Variants in WDPCP observed in about 807,000 individuals in gnomAD.
WDPCP encodes WD repeat-containing and planar cell polarity effector protein fritz homolog.
WDPCP carries 71 observed loss-of-function variants against 93.1 expected under a neutral mutation model. That is an observed-to-expected ratio of 0.76 (90% confidence interval 0.63 to 0.93). The LOEUF is 0.93. Among genes scored for constraint, WDPCP ranks in the 40% least tolerant of loss-of-function variants. The pLI is 0.00. For synonymous variants in WDPCP, 315 were observed against 315.0 expected, an observed-to-expected ratio of 1.00 and a Z score of 0.00; for missense variants, 844 against 887.4, an observed-to-expected ratio of 0.95 and a Z score of 0.62.
chr2:63,811,415 C>T (rs1171662453), intron 2 of WDPCP, among the ~76,000 whole-genome samples: 2 of 152,134 alleles, frequency 1.3e-5, no homozygotes, highest in Non-Finnish European at 2.9e-5. Flanking sequence ...TGTAAGTAGC[C>T]TCTAGGAACT....
chr2:63,313,886 A>ATATATATT lies in WDPCP; in HGVS notation c.1749-576_1749-575insAATATATA. Among the ~76,000 whole-genome samples, 48 of 74,460 alleles carry ATATATATT rather than the reference A, an allele frequency of 6.4e-4. 2 individuals carry two copies. The highest frequency in any genetic ancestry group is 1.5e-3 in the African/African-American group (30 of 19,426). 48.8% of individuals were successfully genotyped at this position (74,460 alleles called of 152,430 possible). A position where few individuals can be genotyped will look rare whatever the true frequency, so the allele number is the denominator to read the frequency against. On this transcript the variant is annotated intron_variant, in intron 12 of 17. Coordinates refer to ENST00000272321, the MANE Select transcript of WDPCP (RefSeq NM_015910.7). ...TATATATATATATATATATATATAT[A>ATATATATT]TTTTTTTTTTTTTGGAGATGGAGTC...
chr2:63,217,115 C>A (rs1217591648), intron 14 of WDPCP, among the ~76,000 whole-genome samples: 1 of 152,186 alleles, frequency 6.6e-6, no homozygotes, highest in Non-Finnish European at 1.5e-5. Context: ...CAGACAAAAT[C>A]CAGGCTGATG....
rs560405409 is a variant in WDPCP at position 63,729,086 on chromosome 2, TATCA to T, written n.309-78252_309-78249del. Among the ~76,000 whole-genome samples, 36 of 152,256 alleles carry T rather than the reference TATCA, an allele frequency of 2.4e-4. No individual in the cohort carries two copies. In the South Asian group the frequency reaches 4.6e-3, roughly 19 times the overall value. ...TCTTCAATATGAAGGTCCAAGTAAA[TATCA>T]ATCAATCACAGTGCCATATGTCACT... On this transcript the variant is annotated intron_variant and non_coding_transcript_variant, in intron 2 of 4. Transcript: ENST00000467687.
At chr2:63,701,926 T>C (rs1265865489) in intron 2 of WDPCP, among the ~76,000 whole-genome samples, 1 of 152,186 alleles carries the variant, frequency 6.6e-6, no homozygotes, top group African/African-American at 2.4e-5. Context: ...TAAAACCTAG[T>C]GTTTCATAGA....
chr2:63,206,557 A>G (rs1467192926), intron 14 of WDPCP, among the ~76,000 whole-genome samples: 1 of 151,834 alleles, frequency 6.6e-6, no homozygotes, highest in Non-Finnish European at 1.5e-5. Context: ...GACTCATGCA[A>G]TTTTCCCACA....
At chr2:63,298,834 G>A (rs976669704) in intron 13 of WDPCP, among the ~76,000 whole-genome samples, 2 of 152,192 alleles carry the variant, frequency 1.3e-5, no homozygotes, top group African/African-American at 2.4e-5. Context: ...AGGTGTTGCT[G>A]TGCACAGGTA....
At chr2:63,125,045 G>C (rs961138588) in intron 17 of WDPCP, among the ~76,000 whole-genome samples, 4 of 152,166 alleles carry the variant, frequency 2.6e-5, no homozygotes, top group African/African-American at 9.7e-5. Context: ...AAGTTGACCA[G>C]CTATTCAAGT....
chr2:63,510,390 G>A (rs1029505820), intron 1 of WDPCP, among the ~76,000 whole-genome samples: 6 of 152,064 alleles, frequency 3.9e-5, no homozygotes, highest in Non-Finnish European at 7.4e-5. Flanking sequence ...ACTCCTCCAC[G>A]CTAAGAACAC....
At chr2:63,381,779 A>G in intron 11 of WDPCP, 127 bp downstream of exon 11, 1 of 937,556 alleles carries the variant, frequency 1.1e-6, no homozygotes, top group Non-Finnish European at 1.6e-6. Context: ...CAGTTTTAAT[A>G]GAGCACTAAC....
intron 17 of WDPCP, among the ~76,000 whole-genome samples, chr2:63,142,438 A>G (rs1237533626): frequency 2.6e-5 from 4 of 152,114 alleles, no homozygotes; most frequent in East Asian, 3.8e-4. Context: ...ATGTATTTGT[A>G]TGGTTCTGAA....
Position 63,378,423 on chromosome 2 carries a change from T to C in WDPCP, c.1711A>G (p.Ser571Gly). 6.2e-7 allele frequency: 1 copy of C among 1,613,250 alleles called. No individual in the cohort carries two copies. Among genetic ancestry groups the C allele is most frequent in the Middle Eastern group, 1.7e-4 (1 of 6,050 alleles). Residue 571 changes from serine (S) to glycine (G), a missense_variant, in exon 12 of 18, where the codon AGC becomes GGC. Coordinates refer to ENST00000272321, the MANE Select transcript of WDPCP (RefSeq NM_015910.7). Reference protein sequence around the residue: ...STILEYRDQISKYARRFFHHL... With the variant: ...STILEYRDQIGKYARRFFHHL... Reference sequence around the variant, plus strand: ...TGGAAGAATCTCCTTGCATATTTGCTGATTTGATCTCTATATTCCAATATA... The same window carrying C: ...TGGAAGAATCTCCTTGCATATTTGCCGATTTGATCTCTATATTCCAATATA...
At chr2:63,224,060 C>T (rs569009142) in intron 14 of WDPCP, among the ~76,000 whole-genome samples, 6 of 152,128 alleles carry the variant, frequency 3.9e-5, no homozygotes, top group African/African-American at 1.2e-4. Flanking sequence ...TGTCAGTTTA[C>T]ACCAAAAATA....
chr2:63,235,582 A>G lies in WDPCP; in HGVS notation c.1915+23725T>C, dbSNP rs369017555. On this transcript the variant is annotated intron_variant, in intron 14 of 17. Transcript: ENST00000272321. ...ACAGGCCAACATCCCTGATGAACAT[A>G]TATGCAAAAATCCTCGACAAAATTC... Among the ~76,000 whole-genome samples the G allele has an allele frequency of 2.0e-5, 3 of 152,146 alleles. No homozygotes were observed. In the East Asian group the frequency reaches 5.8e-4, roughly 29 times the overall value.
chr2:63,446,414 C>T (rs1306308016), intron 6 of WDPCP, among the ~76,000 whole-genome samples: 1 of 152,224 alleles, frequency 6.6e-6, no homozygotes, highest in Admixed American at 6.5e-5. Context: ...TCTAGAGACA[C>T]TGCAGCTGTC....
intron 1 of WDPCP, among the ~76,000 whole-genome samples, chr2:63,567,635 G>A (rs1027195856): frequency 1.4e-4 from 22 of 152,204 alleles, no homozygotes; most frequent in African/African-American, 2.6e-4. Context: ...TAAAAGAGGC[G>A]TTCCCCAATC....
chr2:63,515,550 T>C (rs192013739), intron 1 of WDPCP, among the ~76,000 whole-genome samples: 8 of 152,324 alleles, frequency 5.3e-5, no homozygotes, highest in Admixed American at 2.6e-4. Context: ...CTAGGAAAAG[T>C]GCAATTTGCC....
intron 2 of WDPCP, among the ~76,000 whole-genome samples, chr2:63,692,295 C>A (rs1257544111): frequency 6.6e-6 from 1 of 151,624 alleles, no homozygotes; most frequent in Non-Finnish European, 1.5e-5. Context: ...TTTTTACATT[C>A]TCTCTGTGTG....
intron 2 of WDPCP, among the ~76,000 whole-genome samples, chr2:63,779,369 A>G (rs908427602): frequency 3.9e-5 from 6 of 152,234 alleles, no homozygotes; most frequent in Admixed American, 1.3e-4. Context: ...GCAGAGACTC[A>G]GGGAACAACA....
intron 3 of WDPCP, among the ~76,000 whole-genome samples, chr2:63,624,559 G>A (rs1208983822): frequency 6.6e-6 from 1 of 152,164 alleles, no homozygotes; most frequent in Admixed American, 6.5e-5. Context: ...ACATCTCTGT[G>A]TAAATAAACT....
Sources: allele counts gnomAD v4.1 joint callset (sites outside exome capture counted in the v4.1 genomes callset), GRCh38; gene constraint gnomAD v4.1.1; transcripts MANE v1.5; gene names NCBI Gene and HGNC (gene_info 2026-07-23, HGNC 2026-07-21).